GNE: variants seen among roughly 807,000 people sequenced by gnomAD.
GNE encodes the protein bifunctional UDP-N-acetylglucosamine 2-epimerase/N-acetylmannosamine kinase.
In GNE, 41 loss-of-function variants were observed where a neutral mutation model predicts 61.8. The observed-to-expected ratio is 0.66, with a 90% CI of 0.52 to 0.86. The LOEUF (loss-of-function observed/expected upper bound fraction) is 0.86. GNE is among the 40% of genes least tolerant of loss of function. The probability of loss-of-function intolerance (pLI) is 0.00; values close to 1 mark genes in which losing one functional copy is unlikely to be tolerated. For synonymous variants in GNE, 264 were observed against 326.4 expected (o/e 0.81, Z 2.06); for missense variants, 608 against 909.1 (o/e 0.67, Z 4.26).
At position 36,214,449 on chromosome 9, in the gene GNE, A is replaced by G. The variant is rs1001361038; in HGVS notation, c.*2916T>C. The G allele has an allele frequency of 2.6e-5, 4 of 152,238 alleles. No homozygotes were observed. Among genetic ancestry groups the G allele is most frequent in the African/African-American group, 9.6e-5 (4 of 41,468 alleles). The allele number at this position is 152,238 out of a possible 1,614,324, so 9.4% of individuals were successfully genotyped here. Reference sequence around the variant, plus strand: ...AACAAAATACAACAGGATTTCAACAAGGAAATGTATTTATTTTTTCTTTAG... The same window carrying G: ...AACAAAATACAACAGGATTTCAACAGGGAAATGTATTTATTTTTTCTTTAG... On this transcript the variant is annotated 3_prime_UTR_variant, in exon 12 of 12. Coordinates refer to ENST00000642385, the MANE Select transcript of GNE (RefSeq NM_005476.7).
At chr9:36,274,123 T>A (rs1831159171) in intron 1 of GNE, among the ~76,000 whole-genome samples, 1 of 148,490 alleles carries the variant, frequency 6.7e-6, no homozygotes, top group African/African-American at 2.5e-5. Context: ...TGTGACAGGG[T>A]CTTACTCTAT....
At chr9:36,273,129 A>G (rs1047593530) in intron 1 of GNE, among the ~76,000 whole-genome samples, 4 of 152,122 alleles carry the variant, frequency 2.6e-5, no homozygotes, top group African/African-American at 9.6e-5. Context: ...TTGAATTTGT[A>G]GCACCTACAG....
At chr9:36,242,000 G>A (rs938026190) in intron 3 of GNE, among the ~76,000 whole-genome samples, 15 of 152,036 alleles carry the variant, frequency 9.9e-5, no homozygotes, top group Non-Finnish European at 2.1e-4. Flanking sequence ...GCCAGGTGTG[G>A]TGGTGTGCGC....
chr9:36,234,652 TTAA>T (rs777950877), intron 4 of GNE, among the ~76,000 whole-genome samples: 22 of 152,138 alleles, frequency 1.4e-4, no homozygotes, highest in Admixed American at 3.3e-4. Context: ...ACTGCATGAC[TTAA>T]TAAAAATTTA....
At chr9:36,250,784 A>G (rs1041955147) in intron 1 of GNE, among the ~76,000 whole-genome samples, 2 of 152,112 alleles carry the variant, frequency 1.3e-5, no homozygotes, top group African/African-American at 2.4e-5. Context: ...AGATTCAAGC[A>G]ATTCTCCTGC....
intron 3 of GNE, among the ~76,000 whole-genome samples, chr9:36,238,772 G>A (rs1049983481): frequency 1.3e-5 from 2 of 152,058 alleles, no homozygotes; most frequent in African/African-American, 4.8e-5. Context: ...TTGTTTTATC[G>A]TATTTGCTTT....
chr9:36,220,048 G>A (rs745697898), intron 9 of GNE, 28 bp from the exon 10 acceptor site: 2 of 1,589,806 alleles, frequency 1.3e-6, no homozygotes, highest in Non-Finnish European at 1.7e-6. Flanking sequence ...AATCACTGAG[G>A]GTGCTTTACC....
intron 3 of GNE, among the ~76,000 whole-genome samples, chr9:36,239,051 G>GTTTATTTCTGGGTTCTCTA (rs1829525697): frequency 6.6e-6 from 1 of 151,990 alleles, no homozygotes; most frequent in African/African-American, 2.4e-5. Context: ...AAGTATTTGG[G>GTTTATTTCTGGGTTCTCTA]TTTATTTCTG....
intron 1 of GNE, among the ~76,000 whole-genome samples, chr9:36,254,009 C>A (rs1310053267): frequency 6.6e-6 from 1 of 151,804 alleles, no homozygotes; most frequent in African/African-American, 2.4e-5. Context: ...TGCATTCCAG[C>A]CTGGGAGACT....
intron 5 of GNE, 150 bp from the exon 6 acceptor site, chr9:36,229,258 C>T: frequency 1.5e-6 from 1 of 685,756 alleles, no homozygotes; most frequent in Non-Finnish European, 2.7e-6. Context: ...AACTTTTCTA[C>T]TTTATACCTT....
intron 7 of GNE, 101 bp from the exon 8 acceptor site, chr9:36,223,603 A>G: frequency 8.1e-7 from 1 of 1,234,068 alleles, no homozygotes; most frequent in South Asian, 1.2e-5. Flanking sequence ...CTGCTATAGG[A>G]TGGCCCCGCA....
At chr9:36,252,176 G>C (rs948208407) in intron 1 of GNE, among the ~76,000 whole-genome samples, 1 of 151,848 alleles carries the variant, frequency 6.6e-6, no homozygotes, top group Admixed American at 6.6e-5. Context: ...TAGTAGACAT[G>C]GGGTTTCACC....
chr9:36,221,430 T>G (rs530613787), intron 9 of GNE, among the ~76,000 whole-genome samples: 1 of 152,230 alleles, frequency 6.6e-6, no homozygotes, highest in Non-Finnish European at 1.5e-5. Context: ...TAACCGCTTA[T>G]TAGCTAAGTC....
chr9:36,262,946 G>C (rs973561082), upstream of GNE, among the ~76,000 whole-genome samples: 4 of 152,054 alleles, frequency 2.6e-5, no homozygotes, highest in Non-Finnish European at 4.4e-5. Flanking sequence ...ATATTCATCA[G>C]TACTCATAAC....
upstream of GNE, among the ~76,000 whole-genome samples, chr9:36,260,897 A>C (rs1047449903): frequency 2.4e-5 from 3 of 125,986 alleles, no homozygotes; most frequent in East Asian, 2.1e-4. Flanking sequence ...AAAAAAAAAA[A>C]AAACCCACAA....
rs1828196367 is a variant in GNE, at chr9:36,214,841, G to GT, written c.*2523dup. The GT allele has an allele frequency of 6.6e-6, 1 of 152,298 alleles. No individual in the cohort carries two copies. The highest frequency in any genetic ancestry group is 2.4e-5 in the African/African-American group (1 of 41,562). The allele number at this position is 152,298 out of a possible 1,614,324, so 9.4% of individuals were successfully genotyped here. ...TGGAGATTACTGCAGGGCTGGCAGAGTTTTAGGAATCAGCCAAACTCTTTT... is the reference window on the plus strand; with the variant it reads ...TGGAGATTACTGCAGGGCTGGCAGAGTTTTTAGGAATCAGCCAAACTCTTTT... On this transcript the variant is annotated 3_prime_UTR_variant, in exon 12 of 12. Transcript: ENST00000642385.
chr9:36,238,119 T>TAC (rs1563941259), intron 3 of GNE, among the ~76,000 whole-genome samples: 1 of 111,486 alleles, frequency 9.0e-6, no homozygotes, highest in Non-Finnish European at 1.8e-5. Context: ...TAGATATATA[T>TAC]AGATACACAC....
intron 10 of GNE, among the ~76,000 whole-genome samples, chr9:36,219,073 G>C (rs1828465803): frequency 6.6e-6 from 1 of 152,042 alleles, no homozygotes; most frequent in Non-Finnish European, 1.5e-5. Context: ...ATCAACTGGT[G>C]GTCTCCTGTC....
intron 1 of GNE, among the ~76,000 whole-genome samples, chr9:36,252,739 ATGG>A (rs1444398020): frequency 5.3e-5 from 8 of 152,212 alleles, no homozygotes; most frequent in Non-Finnish European, 1.0e-4. Context: ...GTATATTCAC[ATGG>A]TTTAAAATTG....
Sources: gnomAD v4.1 joint callset for allele counts (sites outside exome capture counted in the v4.1 genomes callset) on GRCh38, gnomAD v4.1.1 for gene constraint, MANE v1.5 for transcripts, NCBI Gene and HGNC (gene_info 2026-07-23, HGNC 2026-07-21) for gene names.